The following HOXB3 variants were observed in gnomAD, a reference collection of about 807,000 sequenced individuals.
The protein encoded by HOXB3 is homeobox protein Hox-B3.
HOXB3 carries 17 observed loss-of-function variants against 29.2 expected under a neutral mutation model. The ratio of observed to expected loss-of-function variants is 0.58; its 90% CI spans 0.40 to 0.87. The LOEUF (loss-of-function observed/expected upper bound fraction) is 0.87. Ranked by LOEUF, HOXB3 falls within the 40% of genes least tolerant of loss-of-function variation. The pLI, the probability that HOXB3 is intolerant of heterozygous loss-of-function variation, is 0.00. For synonymous variants in HOXB3, 317 were observed against 285.9 expected (o/e 1.11, Z -1.10); for missense variants, 637 against 616.3 (o/e 1.03, Z -0.35).
In HOXB3 at chr17:48,552,664, G is replaced by T. The variant is rs193144822; in HGVS notation, c.-158-32C>A. 5.5e-4 allele frequency: 297 copies of T among 544,018 alleles called. 2 individuals carry two copies. In the East Asian group the frequency reaches 8.5e-3, roughly 16 times the overall value. 33.7% of individuals were successfully genotyped at this position (544,018 alleles called of 1,614,324 possible). A position where few individuals can be genotyped will look rare whatever the true frequency, so the allele number is the denominator to read the frequency against. ...GGCGAGAGAAGAGACACAAGGGGGAGAAGAGGACTGGGGCTCGAATCCATC... is the reference window on the plus strand; with the variant it reads ...GGCGAGAGAAGAGACACAAGGGGGATAAGAGGACTGGGGCTCGAATCCATC... On this transcript the variant is annotated intron_variant, in intron 3 of 4. Transcript: ENST00000498678.
chr17:48,574,791 A>G (rs939498978), intron 1 of HOXB3, among the ~76,000 whole-genome samples: 10 of 152,182 alleles, frequency 6.6e-5, no homozygotes, highest in African/African-American at 2.4e-4. Flanking sequence ...AGAGACAGAA[A>G]GCTATTTGGT....
In HOXB3 at chr17:48,552,231, G is replaced by T. The variant is rs2229304; in HGVS notation, c.244C>A (p.Pro82Thr). ...SCMRPGLAPEPLSAPPGSPPP... is the reference protein window; with the variant it reads ...SCMRPGLAPETLSAPPGSPPP... Reference sequence around the variant, plus strand: ...GGTGAGCCAGGCGGGGCCGACAGGGGCTCGGGGGCCAGACCCGGCCTCATG... The same window carrying T: ...GGTGAGCCAGGCGGGGCCGACAGGGTCTCGGGGGCCAGACCCGGCCTCATG... Residue 82 changes from proline to threonine, a missense_variant, in exon 4 of 5, where the codon CCC (proline) becomes ACC (threonine). Transcript: ENST00000498678. The T allele has an allele frequency of 0.68, 1,102,983 of 1,611,774 alleles. 381,916 individuals carry two copies. The highest frequency in any genetic ancestry group is 0.82 in the East Asian group (36,734 of 44,832).
At chr17:48,568,651 G>GC (rs1491485443) in intron 2 of HOXB3, among the ~76,000 whole-genome samples, 3 of 149,644 alleles carry the variant, frequency 2.0e-5, no homozygotes, top group African/African-American at 4.9e-5. Flanking sequence ...ACACACGCGC[G>GC]GACACACACA....
rs200886432 is a variant in HOXB3 at position 48,552,051 on chromosome 17, G to C, written c.424C>G (p.Leu142Val). Residue 142 changes from leucine (L) to valine (V), a missense_variant, in exon 4 of 5, where the codon CTG (leucine) becomes GTG (valine). Physicochemically the swap from Leu to Val is conservative, Grantham distance 32 (BLOSUM62 1). Transcript: ENST00000498678. ...WMKESRQTSKLKNNSPGTAEG... is the reference protein window; with the variant it reads ...WMKESRQTSKVKNNSPGTAEG... The stretch of plus-strand genomic sequence containing the variant: ...CCTGTGCCGGGGGAGTTGTTTTTCA[G>C]CTTGGACGTTTGCCTCGACTCTTTC... 8.2e-6 allele frequency: 13 copies of C among 1,588,430 alleles called. No homozygotes were observed. The East Asian group carries it at 2.9e-4, about 36-fold the overall frequency.
intron 1 of HOXB3, chr17:48,577,724 C>G (rs1411174394): frequency 1.3e-6 from 1 of 741,452 alleles, no homozygotes; most frequent in South Asian, 6.1e-5. Context: ...AACAGGCGAC[C>G]GTAAATCTCC....
intron 1 of HOXB3, chr17:48,577,102 G>A: frequency 1.5e-6 from 2 of 1,349,500 alleles, no homozygotes; most frequent in South Asian, 1.4e-5. Flanking sequence ...GGAACACAGC[G>A]TTTCCCTCCC....
chr17:48,587,106 T>A (rs2070061723), intron 1 of HOXB3, among the ~76,000 whole-genome samples: 1 of 152,148 alleles, frequency 6.6e-6, no homozygotes, highest in Non-Finnish European at 1.5e-5. Flanking sequence ...TGCTGAGAAC[T>A]CCAGGGGCTT....
chr17:48,564,369 G>A (rs2144821073), intron 2 of HOXB3, among the ~76,000 whole-genome samples: 1 of 152,056 alleles, frequency 6.6e-6, no homozygotes, highest in East Asian at 1.9e-4. Flanking sequence ...GCAACCCCCA[G>A]CAACCCCCGA....
At chr17:48,560,890 G>A (rs928162344) in intron 2 of HOXB3, among the ~76,000 whole-genome samples, 12 of 152,152 alleles carry the variant, frequency 7.9e-5, no homozygotes, top group Non-Finnish European at 1.3e-4. Context: ...TGAAACCACT[G>A]TTCAGTCCCT....
chr17:48,550,562 G>T lies in HOXB3; in HGVS notation c.1068C>A (p.Gly356=), dbSNP rs1185107070. The T allele has an allele frequency of 6.6e-7, 1 of 1,515,932 alleles. No individual in the cohort carries two copies. The highest frequency in any genetic ancestry group is 2.3e-5 in the Admixed American group (1 of 43,754). 93.9% of individuals were successfully genotyped at this position (1,515,932 alleles called of 1,614,324 possible). Residue 356 remains glycine, a synonymous_variant, in exon 5 of 5, where the codon GGC becomes GGA. Transcript: ENST00000498678. ...GGGGCGGCAGCGGATCCGCGTAGCC[G>T]CCCCCGCCCACGTACACCGGACTGC... The part of the protein sequence containing the change: ...MQGSPVYVGG[G]GYADPLPPPA...
chr17:48,589,237 T>C (rs1182882111), intron 1 of HOXB3, among the ~76,000 whole-genome samples: 4 of 152,176 alleles, frequency 2.6e-5, no homozygotes, highest in Non-Finnish European at 5.9e-5. Flanking sequence ...TCCTATTTTC[T>C]CTTCCAGCTC....
intron 1 of HOXB3, among the ~76,000 whole-genome samples, chr17:48,585,460 G>A (rs72829869): frequency 0.055 from 8,348 of 152,286 alleles, 292 homozygotes; most frequent in Non-Finnish European, 0.078. Context: ...ACGATGCGGG[G>A]GGGCCCGGGG....
At chr17:48,557,366 T>G (rs1357144909) in intron 2 of HOXB3, 1 of 152,096 alleles carries the variant, frequency 6.6e-6, no homozygotes, top group East Asian at 1.9e-4. Flanking sequence ...AAGGTGAGAG[T>G]TGATTTCCAG....
chr17:48,568,652 G>C (rs7502015), intron 2 of HOXB3, among the ~76,000 whole-genome samples: 124,550 of 151,588 alleles, frequency 0.82, 52,238 homozygotes, highest in Non-Finnish European at 0.91. Flanking sequence ...CACACGCGCG[G>C]ACACACACAC....
At chr17:48,584,258 T>A (rs549427637) in intron 1 of HOXB3, among the ~76,000 whole-genome samples, 1 of 152,348 alleles carries the variant, frequency 6.6e-6, no homozygotes, top group African/African-American at 2.4e-5. Flanking sequence ...GGAGTCAAGA[T>A]GAACACACAA....
At chr17:48,551,239 AAC>A in intron 4 of HOXB3, 58 bp from the exon 5 acceptor site, 3 of 1,262,784 alleles carry the variant, frequency 2.4e-6, no homozygotes, top group Non-Finnish European at 2.0e-6. Context: ...ATAATTACTG[AAC>A]ACGCCGAAAT....
chr17:48,571,145 C>T (rs747542756), intron 2 of HOXB3, among the ~76,000 whole-genome samples: 11 of 152,216 alleles, frequency 7.2e-5, no homozygotes, highest in Non-Finnish European at 1.5e-4. Context: ...GATCGCGAGC[C>T]GAGCACTTTC....
chr17:48,580,016 G>T, intron 1 of HOXB3: 1 of 453,578 alleles, frequency 2.2e-6, no homozygotes, highest in Non-Finnish European at 4.5e-6. Context: ...TGGTTTGAGT[G>T]CTTTGGTTTT....
At chr17:48,570,943 T>TAG (rs748539904) in intron 2 of HOXB3, among the ~76,000 whole-genome samples, 1 of 151,406 alleles carries the variant, frequency 6.6e-6, no homozygotes, top group East Asian at 1.9e-4. Context: ...AAAATGAAAA[T>TAG]AGAGAGAGAG....
Sources: gnomAD v4.1 joint callset for allele counts (sites outside exome capture counted in the v4.1 genomes callset) on GRCh38, gnomAD v4.1.1 for gene constraint, MANE v1.5 for transcripts, NCBI Gene and HGNC (gene_info 2026-07-23, HGNC 2026-07-21) for gene names.